The following RNF216 variants were observed in gnomAD, a reference collection of about 807,000 sequenced individuals.
The protein encoded by RNF216 is ring finger protein 216, also known as E3 ubiquitin-protein ligase RNF216.
Under a neutral mutation model 110.8 loss-of-function variants are expected in RNF216, and 72 were observed. The ratio of observed to expected loss-of-function variants is 0.65; its 90% CI spans 0.54 to 0.79. The LOEUF is 0.79. Among genes scored for constraint, RNF216 ranks in the 30% least tolerant of loss-of-function variants. RNF216 has a pLI of 0.00. For missense variants in RNF216, 1,342 were observed against 1,141.2 expected (o/e 1.18, Z -2.54); for synonymous variants, 495 against 407.5 (o/e 1.21, Z -2.59).
At chr7:5,686,095 C>T (rs183901787) in intron 13 of RNF216, among the ~76,000 whole-genome samples, 1 of 151,898 alleles carries the variant, frequency 6.6e-6, no homozygotes, top group Admixed American at 6.6e-5. Context: ...TGGTGATGCA[C>T]GTCTGTAATC....
At chr7:5,636,085 G>A (rs967077702) in intron 15 of RNF216, among the ~76,000 whole-genome samples, 1 of 152,196 alleles carries the variant, frequency 6.6e-6, no homozygotes, top group African/African-American at 2.4e-5. Flanking sequence ...AGACTGCCAG[G>A]TGCCTGTTCC....
chr7:5,746,651 T>C (rs1293637805), intron 3 of RNF216, among the ~76,000 whole-genome samples: 1 of 152,188 alleles, frequency 6.6e-6, no homozygotes, highest in Non-Finnish European at 1.5e-5. Context: ...TCCTGAGATA[T>C]ACAAGGTCCA....
intron 3 of RNF216, among the ~76,000 whole-genome samples, chr7:5,743,059 G>A (rs1450470582): frequency 6.6e-6 from 1 of 152,046 alleles, no homozygotes. Flanking sequence ...TCAGGAGATC[G>A]AGACCATCCT....
At chr7:5,742,586 CTTTTTTT>C (rs59545890) in intron 3 of RNF216, among the ~76,000 whole-genome samples, 18 of 65,996 alleles carry the variant, frequency 2.7e-4, no homozygotes, top group East Asian at 9.3e-4. Context: ...GGTGAAAAAT[CTTTTTTT>C]TTTTTTTTTT....
At chr7:5,648,274 T>C (rs531636794) in intron 14 of RNF216, among the ~76,000 whole-genome samples, 6 of 152,004 alleles carry the variant, frequency 3.9e-5, no homozygotes, top group Admixed American at 2.0e-4. Context: ...GCCTGGGTAA[T>C]TTTGTATTTT....
chr7:5,710,260 T>C (rs1792583971), intron 13 of RNF216, among the ~76,000 whole-genome samples: 1 of 151,912 alleles, frequency 6.6e-6, no homozygotes, highest in African/African-American at 2.4e-5. Context: ...CTTGGGAGGC[T>C]GAGGCAGGAG....
At position 5,624,936 on chromosome 7, in the gene RNF216, C is replaced by T. The variant is rs548404769; in HGVS notation, c.2383-811G>A. 6.6e-6 allele frequency among the ~76,000 whole-genome samples: 1 copy of T among 152,358 alleles called. No homozygotes were observed. Among genetic ancestry groups the T allele is most frequent in the East Asian group, 1.9e-4 (1 of 5,184 alleles). On this transcript the variant is annotated intron_variant, in intron 15 of 16. Coordinates refer to ENST00000389902, the MANE Select transcript of RNF216 (RefSeq NM_207111.4). This position sits in a 1 kb window ranked among gnomAD's most constrained non-coding sequence, Gnocchi z 4.4. ...GGAGGACCGGGCTGCTGCCTCAGGA[C>T]AGACCACCCGTGATGCCTGCTTCAT...
chr7:5,724,758 G>C (rs992103868), intron 8 of RNF216, among the ~76,000 whole-genome samples: 2 of 152,196 alleles, frequency 1.3e-5, no homozygotes, highest in African/African-American at 2.4e-5. Flanking sequence ...AAAAGTTGTA[G>C]TAAACGCCTT....
chr7:5,627,263 A>G (rs1170240292), intron 15 of RNF216, among the ~76,000 whole-genome samples: 1 of 152,174 alleles, frequency 6.6e-6, no homozygotes, highest in Non-Finnish European at 1.5e-5. Context: ...ATCCACAGAA[A>G]AGATATCCTG....
intron 13 of RNF216, among the ~76,000 whole-genome samples, chr7:5,701,081 G>A (rs752378438): frequency 2.0e-5 from 3 of 152,166 alleles, no homozygotes; most frequent in Non-Finnish European, 4.4e-5. Flanking sequence ...GACAGAGAGT[G>A]CAGACCCTGA....
intron 14 of RNF216, 111 bp from the exon 15 acceptor site, chr7:5,641,487 G>T: frequency 1.1e-6 from 1 of 893,458 alleles, no homozygotes. Context: ...TGGCTTTTTT[G>T]TGACATTAAA....
At chr7:5,718,967 T>C (rs938865493) in intron 9 of RNF216, among the ~76,000 whole-genome samples, 6 of 152,206 alleles carry the variant, frequency 3.9e-5, no homozygotes, top group African/African-American at 1.4e-4. Flanking sequence ...CAGAAACGAA[T>C]AAACTTGTTT....
rs938941140 is a variant in RNF216, at chr7:5,624,577, C to G, written c.2383-452G>C. 6.6e-6 allele frequency among the ~76,000 whole-genome samples: 1 copy of G among 152,216 alleles called. No homozygotes were observed. Among genetic ancestry groups the G allele is most frequent in the African/African-American group, 2.4e-5 (1 of 41,460 alleles). On this transcript the variant is annotated intron_variant, in intron 15 of 16. Coordinates refer to ENST00000389902, the MANE Select transcript of RNF216 (RefSeq NM_207111.4). This position sits in a 1 kb window ranked among gnomAD's most constrained non-coding sequence, Gnocchi z 4.4. Reference sequence around the variant, plus strand: ...TGCAGATGTCCTCAACTGAGATGGACAAATGTCCAGTCGGGCCCTGCTTAG... The same window carrying G: ...TGCAGATGTCCTCAACTGAGATGGAGAAATGTCCAGTCGGGCCCTGCTTAG...
At chr7:5,733,569 C>G (rs1794214215) in intron 5 of RNF216, among the ~76,000 whole-genome samples, 2 of 150,224 alleles carry the variant, frequency 1.3e-5, no homozygotes, top group African/African-American at 4.9e-5. Context: ...AATCATTGTT[C>G]TATAAATGAG....
chr7:5,732,685 A>C (rs896467716), intron 5 of RNF216, among the ~76,000 whole-genome samples: 6 of 152,206 alleles, frequency 3.9e-5, no homozygotes, highest in African/African-American at 1.4e-4. Flanking sequence ...ATGAAGGACA[A>C]AGTTTTTCTT....
At chr7:5,733,579 G>T (rs570998571) in intron 5 of RNF216, among the ~76,000 whole-genome samples, 1 of 150,720 alleles carries the variant, frequency 6.6e-6, no homozygotes, top group Non-Finnish European at 1.5e-5. Context: ...CTATAAATGA[G>T]CTAAGTTTAT....
intron 13 of RNF216, among the ~76,000 whole-genome samples, chr7:5,689,224 C>A (rs146867877): frequency 0.019 from 2,964 of 152,030 alleles, 45 homozygotes; most frequent in Non-Finnish European, 0.031. Flanking sequence ...GGGCAAAGGG[C>A]AGGCCTGGCT....
At chr7:5,650,702 T>G (rs372052687) in intron 14 of RNF216, among the ~76,000 whole-genome samples, 1 of 152,204 alleles carries the variant, frequency 6.6e-6, no homozygotes, top group Non-Finnish European at 1.5e-5. Flanking sequence ...TCACGTTTGT[T>G]TGACTCTTCG....
chr7:5,768,125 A>T (rs1198167368), intron 1 of RNF216, among the ~76,000 whole-genome samples: 6 of 151,948 alleles, frequency 3.9e-5, no homozygotes. Flanking sequence ...TGGAACTTCC[A>T]GTTTTTTCAT....
Sources: gnomAD v4.1 joint callset for allele counts (sites outside exome capture counted in the v4.1 genomes callset) on GRCh38, gnomAD v4.1.1 for gene constraint, Gnocchi (gnomAD v3.1) non-coding constraint, MANE v1.5 for transcripts, NCBI Gene and HGNC (gene_info 2026-07-23, HGNC 2026-07-21) for gene names.